The following DDX60L variants were observed in gnomAD, a reference collection of about 807,000 sequenced individuals.
DDX60L encodes probable ATP-dependent RNA helicase DDX60-like.
Under a neutral mutation model 211.6 loss-of-function variants are expected in DDX60L, and 191 were observed. That is an observed-to-expected ratio of 0.90 (90% CI 0.80 to 1.02). DDX60L has a LOEUF of 1.02. Among genes scored for constraint, DDX60L ranks in the 50% least tolerant of loss-of-function variants. The probability of loss-of-function intolerance (pLI) is 0.00; values close to 1 mark genes in which losing one functional copy is unlikely to be tolerated. For synonymous variants in DDX60L, 706 were observed against 694.1 expected (o/e 1.02, Z -0.27); for missense variants, 2,007 against 1,984.1 (o/e 1.01, Z -0.22).
intron 35 of DDX60L, among the ~76,000 whole-genome samples, chr4:168,372,267 G>A (rs938098126): frequency 6.6e-6 from 1 of 152,092 alleles, no homozygotes; most frequent in African/African-American, 2.4e-5. Flanking sequence ...TGGCAGAGGA[G>A]GAGGCAGAAG....
rs761368322 is a variant in DDX60L at position 168,416,774 on chromosome 4, A to G, written c.2634T>C (p.Val878=). Residue 878 remains valine (V), a synonymous_variant, in exon 20 of 38, where the codon GTT becomes GTC. Transcript: ENST00000682922. ...GGAGGAGCTCCCAAAATTTTGCTCC[A>G]ACTTCTCTGCCAAGATAATGGACCT... ...FDEVHYLGRE[V]GAKFWELLLV... The G allele has an allele frequency of 1.3e-5, 21 of 1,597,422 alleles. No homozygotes were observed. The highest frequency in any genetic ancestry group is 1.5e-5 in the Non-Finnish European group (18 of 1,172,116).
chr4:168,381,263 C>T (rs1176277507), intron 30 of DDX60L, among the ~76,000 whole-genome samples: 1 of 152,132 alleles, frequency 6.6e-6, no homozygotes, highest in Non-Finnish European at 1.5e-5. Flanking sequence ...ATAGTCAAGA[C>T]AATTGGAAAA....
chr4:168,472,342 G>T, intron 3 of DDX60L, 113 bp downstream of exon 3: 2 of 777,110 alleles, frequency 2.6e-6, no homozygotes, highest in Non-Finnish European at 2.1e-6. Context: ...TCTCCAAGCT[G>T]CTCCAAGATA....
intron 22 of DDX60L, among the ~76,000 whole-genome samples, chr4:168,414,761 A>G (rs1414203216): frequency 6.6e-6 from 1 of 152,138 alleles, no homozygotes; most frequent in African/African-American, 2.4e-5. Context: ...CAGGCACAGA[A>G]AGAAAAACTT....
rs552912124 is a variant in DDX60L at position 168,415,451 on chromosome 4, T to C, written c.2936A>G (p.Tyr979Cys). 100 of 1,608,124 alleles carry C rather than the reference T, an allele frequency of 6.2e-5. 1 individual carries two copies. In the South Asian group the frequency reaches 1.1e-3, roughly 17 times the overall value. ...HICSVKHDDV[Y>C]FDHFHPCAAL... ...AGCACAGGGATGAAAATGATCAAAATAAACATCATCATGTTTTACTGAACA... is the reference window on the plus strand; with the variant it reads ...AGCACAGGGATGAAAATGATCAAAACAAACATCATCATGTTTTACTGAACA... The change falls in exon 22 of 38, where the codon TAT becomes TGT. Residue 979 changes from tyrosine (Y) to cysteine (C), a missense_variant. Physicochemically the swap from Tyr to Cys is radical, Grantham distance 194 (BLOSUM62 -2). Transcript: ENST00000682922.
chr4:168,421,687 T>A, intron 17 of DDX60L, 73 bp downstream of exon 17: 1 of 1,556,746 alleles, frequency 6.4e-7, no homozygotes, highest in South Asian at 1.2e-5. Flanking sequence ...AGATCTAGCA[T>A]GTGACCGTGT....
rs186495156 is a variant in DDX60L, at chr4:168,367,478, T to C, written c.4928+4134A>G. On this transcript the variant is annotated intron_variant, in intron 36 of 37. Transcript: ENST00000682922. ...TGGAACTCTAAGTCCAATAAAACTT[T>C]TTCTTTTGTAAGTTGTCCAGTCTTG... 1.7e-3 allele frequency among the ~76,000 whole-genome samples: 256 copies of C among 152,324 alleles called. 1 individual carries two copies. Among genetic ancestry groups the C allele is most frequent in the African/African-American group, 6.0e-3 (251 of 41,578 alleles).
At position 168,405,958 on chromosome 4, in the gene DDX60L, C is replaced by T; in HGVS notation, c.3205G>A (p.Val1069Met). Residue 1069 changes from valine to methionine, a missense_variant, in exon 24 of 38, where the codon GTG (valine) becomes ATG (methionine). Coordinates refer to ENST00000682922, the MANE Select transcript of DDX60L (RefSeq NM_001012967.3). ...ELTNWIKNGQ[V>M]KKVKRVLKNL... ...GAAAGTGTGAAAATTACCTTCTTCA[C>T]TTGGCCATTTTTAATCCAATTTGTC... 6.4e-7 allele frequency: 1 copy of T among 1,568,724 alleles called. No individual in the cohort carries two copies. The highest frequency in any genetic ancestry group is 8.6e-7 in the Non-Finnish European group (1 of 1,160,546).
At chr4:168,477,994 G>C (rs1338571574) in intron 1 of DDX60L, among the ~76,000 whole-genome samples, 1 of 151,934 alleles carries the variant, frequency 6.6e-6, no homozygotes, top group Non-Finnish European at 1.5e-5. Flanking sequence ...TTGGGAAGCT[G>C]ATGTGGGAGG....
chr4:168,419,284 A>T lies in DDX60L; in HGVS notation c.2610+18T>A. 6.4e-7 allele frequency: 1 copy of T among 1,555,916 alleles called. No individual in the cohort carries two copies. The highest frequency in any genetic ancestry group is 8.8e-7 in the Non-Finnish European group (1 of 1,142,206). ...ATGCAGACTAGAACATCAACCAGAG[A>T]ACTAACACCAAACCTACCTCATCAA... On this transcript the variant is annotated intron_variant, in intron 19 of 37. Transcript: ENST00000682922.
intron 13 of DDX60L, among the ~76,000 whole-genome samples, chr4:168,429,746 A>G (rs559744501): frequency 6.6e-6 from 1 of 152,324 alleles, no homozygotes; most frequent in African/African-American, 2.4e-5. Context: ...TTTCCGATAA[A>G]TGGTTAACAC....
chr4:168,474,271 A>G (rs1352533985), intron 1 of DDX60L, among the ~76,000 whole-genome samples: 1 of 152,186 alleles, frequency 6.6e-6, no homozygotes, highest in African/African-American at 2.4e-5. Context: ...AGCCCCTCCC[A>G]TTTAAGAGAG....
chr4:168,381,787 C>CA (rs370665805), intron 30 of DDX60L, among the ~76,000 whole-genome samples: 19 of 152,118 alleles, frequency 1.2e-4, no homozygotes, highest in African/African-American at 4.6e-4. Flanking sequence ...GGCTCAAATC[C>CA]AAAAAATTTA....
At position 168,442,171 on chromosome 4, in the gene DDX60L, C is replaced by T. The variant is rs572631960; in HGVS notation, c.1139-679G>A. Among the ~76,000 whole-genome samples the T allele has an allele frequency of 6.7e-3, 1,016 of 152,176 alleles. 13 individuals carry two copies. Among genetic ancestry groups the T allele is most frequent in the African/African-American group, 0.02 (840 of 41,526 alleles). ...GCACCGTGTGCGAGCCGAAGCAGGG[C>T]GAGGCATTGCCTCACTTGGGAAGCG... is the stretch of plus-strand genomic sequence containing the variant. On this transcript the variant is annotated intron_variant, in intron 9 of 37. Coordinates refer to ENST00000682922, the MANE Select transcript of DDX60L (RefSeq NM_001012967.3).
chr4:168,474,326 T>C (rs766763936), intron 1 of DDX60L, among the ~76,000 whole-genome samples: 1 of 152,138 alleles, frequency 6.6e-6, no homozygotes, highest in Non-Finnish European at 1.5e-5. Flanking sequence ...TTAAGCACTG[T>C]AGTTTTTAAA....
At chr4:168,406,221 T>C in intron 23 of DDX60L, 143 bp from the exon 24 acceptor site, 1 of 729,640 alleles carries the variant, frequency 1.4e-6, no homozygotes, top group South Asian at 2.0e-5. Context: ...TCTTTTTACC[T>C]CCCAATAATT....
In DDX60L at chr4:168,472,102, G is replaced by T. The variant is rs137863262; in HGVS notation, c.75-166C>A. 3.5e-4 allele frequency among the ~76,000 whole-genome samples: 53 copies of T among 152,272 alleles called. No individual in the cohort carries two copies. In the East Asian group the frequency reaches 9.4e-3, roughly 27 times the overall value. On this transcript the variant is annotated intron_variant, in intron 3 of 37. Transcript: ENST00000682922. ...AAGCAACTGTCCTTTATAAGAAGGAGATAGCACAATTACTATTTTATTAAA... is the reference window on the plus strand; with the variant it reads ...AAGCAACTGTCCTTTATAAGAAGGATATAGCACAATTACTATTTTATTAAA...
At chr4:168,435,487 T>G (rs191427103) in intron 10 of DDX60L, among the ~76,000 whole-genome samples, 2 of 152,344 alleles carry the variant, frequency 1.3e-5, no homozygotes, top group Admixed American at 1.3e-4. Flanking sequence ...AAATTGCCAG[T>G]AGATTCCTGT....
At position 168,461,698 on chromosome 4, in the gene DDX60L, C is replaced by T; in HGVS notation, c.606+1G>A. The T allele has an allele frequency of 6.6e-7, 1 of 1,518,176 alleles. No homozygotes were observed. The highest frequency in any genetic ancestry group is 8.8e-7 in the Non-Finnish European group (1 of 1,130,494). 94.0% of individuals were successfully genotyped at this position (1,518,176 alleles called of 1,614,324 possible). A position where few individuals can be genotyped will look rare whatever the true frequency, so the allele number is the denominator to read the frequency against. On this transcript the variant is annotated splice_donor_variant, in intron 5 of 37. Transcript: ENST00000682922. LOFTEE classifies it high-confidence loss of function. ...AAAAATGAGTTATTAATGTCAATTA[C>T]CTCCTTGGAAAAAGTTTGGTTTCTG...
Sources: gnomAD v4.1 joint callset for allele counts (sites outside exome capture counted in the v4.1 genomes callset) on GRCh38, gnomAD v4.1.1 for gene constraint, MANE v1.5 for transcripts, NCBI Gene and HGNC (gene_info 2026-07-23, HGNC 2026-07-21) for gene names.